The following ACAN variants were observed in gnomAD, a reference collection of about 807,000 sequenced individuals.
ACAN encodes aggrecan core protein.
ACAN carries 47 observed loss-of-function variants against 169.1 expected under a neutral mutation model. The observed-to-expected ratio is 0.28, with a 90% confidence interval of 0.22 to 0.35. ACAN has a LOEUF of 0.35. Among genes scored for constraint, ACAN ranks in the 10% least tolerant of loss-of-function variants. The probability of loss-of-function intolerance (pLI) is 1.00; values close to 1 mark genes in which losing one functional copy is unlikely to be tolerated. For missense variants in ACAN, 2,716 were observed against 2,759.9 expected (o/e 0.98, Z 0.36); for synonymous variants, 1,115 against 1,112.2 (o/e 1.00, Z -0.05).
Position 88,807,417 on chromosome 15 carries a change from A to G in ACAN, c.-8+3608A>G, listed in dbSNP as rs1306395090. ...CCGCACTGCCGCCCTGATAACTTAAAGGAAGCCCCTTCAATGGGATGAAGG... is the reference window on the plus strand; with the variant it reads ...CCGCACTGCCGCCCTGATAACTTAAGGGAAGCCCCTTCAATGGGATGAAGG... On this transcript the variant is annotated intron_variant, in intron 1 of 18. Coordinates refer to ENST00000560601, the MANE Select transcript of ACAN (RefSeq NM_001369268.1). The surrounding 1 kb of genome is among the most constrained non-coding windows in gnomAD (Gnocchi z 4.0). 6.6e-6 allele frequency among the ~76,000 whole-genome samples: 1 copy of G among 152,188 alleles called. No individual in the cohort carries two copies. The highest frequency in any genetic ancestry group is 1.5e-5 in the Non-Finnish European group (1 of 68,030).
In ACAN at chr15:88,836,216, T is replaced by C. The variant is rs1896499388; in HGVS notation, c.10T>C (p.Leu4=). 1.2e-6 allele frequency: 2 copies of C among 1,613,832 alleles called. No individual in the cohort carries two copies. The highest frequency in any genetic ancestry group is 2.7e-5 in the African/African-American group (2 of 75,046). Residue 4 remains leucine, a synonymous_variant, in exon 2 of 19, where the codon TTA becomes CTA. Coordinates refer to ENST00000560601, the MANE Select transcript of ACAN (RefSeq NM_001369268.1). Reference sequence around the variant, plus strand: ...CTCTTCCAGGTGAACTATGACCACTTTACTCTGGGTTTTCGTGACTCTGAG... The same window carrying C: ...CTCTTCCAGGTGAACTATGACCACTCTACTCTGGGTTTTCGTGACTCTGAG... The part of the protein sequence containing the change: MTT[L]LWVFVTLRVI...
chr15:88,855,262 G>A lies in ACAN; in HGVS notation c.2677G>A (p.Gly893Arg), dbSNP rs1897025759. The change falls in exon 12 of 19, where the codon GGA (glycine) becomes AGA (arginine). Residue 893 changes from glycine to arginine, a missense_variant. Coordinates refer to ENST00000560601, the MANE Select transcript of ACAN (RefSeq NM_001369268.1). ...GCAGCTGTCAGGGGACAGGGCAAGT[G>A]GACTGCCCTCTGGAGACCTGGACTC... is the stretch of plus-strand genomic sequence containing the variant. ...SGQLSGDRAS[G>R]LPSGDLDSSG... 3 of 1,608,478 alleles carry A rather than the reference G, an allele frequency of 1.9e-6. No homozygotes were observed. Among genetic ancestry groups the A allele is most frequent in the Admixed American group, 3.3e-5 (2 of 59,912 alleles).
At chr15:88,829,044 C>G (rs1896295220) in intron 1 of ACAN, among the ~76,000 whole-genome samples, 2 of 152,326 alleles carry the variant, frequency 1.3e-5, no homozygotes, top group South Asian at 4.2e-4. Context: ...CAGCACTCCC[C>G]ACCCTGCTGC....
chr15:88,854,409 G>A (rs80095362), intron 11 of ACAN, among the ~76,000 whole-genome samples: 3,010 of 152,280 alleles, frequency 0.02, 107 homozygotes, highest in African/African-American at 0.069. Flanking sequence ...GCGAGTCCAA[G>A]CTTTGAAAAC....
intron 1 of ACAN, among the ~76,000 whole-genome samples, chr15:88,809,488 T>C (rs1477641388): frequency 6.6e-6 from 1 of 152,200 alleles, no homozygotes; most frequent in African/African-American, 2.4e-5. Flanking sequence ...CAGGCACCTT[T>C]GGTGTCTGGT....
chr15:88,840,113 G>A lies in ACAN; in HGVS notation c.556G>A (p.Glu186Lys), dbSNP rs1896613138. The A allele has an allele frequency of 6.2e-7, 1 of 1,606,010 alleles. No individual in the cohort carries two copies. Among genetic ancestry groups the A allele is most frequent in the Non-Finnish European group, 8.5e-7 (1 of 1,176,448 alleles). Reference protein sequence around the residue: ...LQNSAIIATPEQLQAAYEDGF... With the variant: ...LQNSAIIATPKQLQAAYEDGF... Reference sequence around the variant, plus strand: ...GAACAGTGCCATCATTGCCACGCCTGAGCAGCTGCAGGCCGCCTACGAAGA... The same window carrying A: ...GAACAGTGCCATCATTGCCACGCCTAAGCAGCTGCAGGCCGCCTACGAAGA... The change falls in exon 4 of 19, where the codon GAG becomes AAG. Residue 186 changes from glutamate (E) to lysine (K), a missense_variant. By Grantham distance (56) the Glu-to-Lys change is moderately conservative. Transcript: ENST00000560601.
intron 1 of ACAN, among the ~76,000 whole-genome samples, chr15:88,822,406 G>A (rs1184851534): frequency 6.6e-6 from 1 of 151,946 alleles, no homozygotes; most frequent in East Asian, 1.9e-4. Context: ...TATTTCCTAA[G>A]AACTGTGTCC....
chr15:88,840,160 CGGCT>C lies in ACAN; in HGVS notation c.613_616del (p.Ala205ThrfsTer25). ...AAGACGGCTTCCACCAGTGTGACGC[CGGCT>C]GGCTGGCTGACCAGACTGTCAGGTG... On this transcript the variant is annotated frameshift_variant, in exon 4 of 19. Transcript: ENST00000560601. LOFTEE classifies it high-confidence loss of function. 1 of 1,602,780 alleles carries C rather than the reference CGGCT, an allele frequency of 6.2e-7. No homozygotes were observed. The highest frequency in any genetic ancestry group is 1.1e-5 in the South Asian group (1 of 88,988).
At position 88,870,326 on chromosome 15, in the gene ACAN, G is replaced by C. The variant is rs2141636000; in HGVS notation, c.7061-1056G>C. ...AATCAGGGAGACCACCATGCAGCCTGAGGGGTTTGTGACCCTCCACCTGGG... is the reference window on the plus strand; with the variant it reads ...AATCAGGGAGACCACCATGCAGCCTCAGGGGTTTGTGACCCTCCACCTGGG... On this transcript the variant is annotated intron_variant, in intron 14 of 18. Transcript: ENST00000560601. The surrounding 1 kb of genome is among the most constrained non-coding windows in gnomAD (Gnocchi z 6.3). Among the ~76,000 whole-genome samples, 1 of 152,300 alleles carries C rather than the reference G, an allele frequency of 6.6e-6. No homozygotes were observed. The highest frequency in any genetic ancestry group is 3.4e-3 in the Middle Eastern group (1 of 294).
In ACAN at chr15:88,874,679, C is replaced by T. The variant is rs1243471516; in HGVS notation, c.*198C>T. On this transcript the variant is annotated 3_prime_UTR_variant, in exon 19 of 19. Transcript: ENST00000560601. The surrounding 1 kb of genome is among the most constrained non-coding windows in gnomAD (Gnocchi z 7.3). ...TCAGCAAAACCGCATCTAATTTGTC[C>T]GCCGAATGCCAAAGCAAAGCAAACT... The T allele has an allele frequency of 1.2e-5, 8 of 674,218 alleles. No individual in the cohort carries two copies. Among genetic ancestry groups the T allele is most frequent in the Middle Eastern group, 7.1e-4 (2 of 2,798 alleles). 41.8% of individuals were successfully genotyped at this position (674,218 alleles called of 1,614,324 possible).
rs748112955 is a variant in ACAN, at chr15:88,845,732, A to G, written c.1279A>G (p.Thr427Ala). Reference sequence around the variant, plus strand: ...CACGTTTGCCCCTGAAATAGGGGCCACTGCCTTCGCTGAGGTTGAGAATGA... The same window carrying G: ...CACGTTTGCCCCTGAAATAGGGGCCGCTGCCTTCGCTGAGGTTGAGAATGA... ...PFTFAPEIGA[T>A]AFAEVENETG... Residue 427 changes from threonine to alanine, a missense_variant, in exon 7 of 19, where the codon ACT (threonine) becomes GCT (alanine). Physicochemically the swap from Thr to Ala is moderately conservative, Grantham distance 58. Around this residue, in one of 3 missense-constraint regions of ACAN, gnomAD observed 1,283 missense variants for 1,281.5 expected, o/e 1.00. Transcript: ENST00000560601. 8 of 1,613,838 alleles carry G rather than the reference A, an allele frequency of 5.0e-6. No individual in the cohort carries two copies. In the South Asian group the frequency reaches 8.8e-5, roughly 18 times the overall value.
At chr15:88,809,711 T>A (rs773650768) in intron 1 of ACAN, among the ~76,000 whole-genome samples, 1 of 152,042 alleles carries the variant, frequency 6.6e-6, no homozygotes, top group Non-Finnish European at 1.5e-5. Context: ...GGCAGCTGCA[T>A]CCTCCAGAGA....
chr15:88,871,277 A>G lies in ACAN; in HGVS notation c.7061-105A>G. On this transcript the variant is annotated intron_variant, in intron 14 of 18. Transcript: ENST00000560601. This position sits in a 1 kb window ranked among gnomAD's most constrained non-coding sequence, Gnocchi z 7.8. ...CTCTCCCTTCCCTTGAGGGCACAGC[A>G]TGGAAGGTGGGGTGAACGCAGGAAC... 2.0e-6 allele frequency: 3 copies of G among 1,497,514 alleles called. No homozygotes were observed. Among genetic ancestry groups the G allele is most frequent in the Non-Finnish European group, 2.7e-6 (3 of 1,101,512 alleles). 92.8% of individuals were successfully genotyped at this position (1,497,514 alleles called of 1,614,324 possible). A position where few individuals can be genotyped will look rare whatever the true frequency, so the allele number is the denominator to read the frequency against.
intron 1 of ACAN, among the ~76,000 whole-genome samples, chr15:88,809,494 CT>C (rs1421744842): frequency 6.6e-6 from 1 of 152,210 alleles, no homozygotes; most frequent in Admixed American, 6.5e-5. Context: ...CCTTTGGTGT[CT>C]GGTGTGCCCT....
intron 1 of ACAN, among the ~76,000 whole-genome samples, chr15:88,811,715 C>A (rs966568246): frequency 1.3e-5 from 2 of 152,188 alleles, no homozygotes; most frequent in Non-Finnish European, 2.9e-5. Flanking sequence ...GTTCCCTGGC[C>A]TGTTGGGTGA....
intron 1 of ACAN, among the ~76,000 whole-genome samples, chr15:88,825,663 T>C (rs79051888): frequency 0.011 from 1,621 of 152,170 alleles, 28 homozygotes; most frequent in African/African-American, 0.037. Flanking sequence ...GTCAAAGAGG[T>C]ATTACTAGCA....
chr15:88,808,698 C>G (rs1895746441), intron 1 of ACAN, among the ~76,000 whole-genome samples: 1 of 152,166 alleles, frequency 6.6e-6, no homozygotes, highest in Non-Finnish European at 1.5e-5. Context: ...TACAGCACAG[C>G]CCCCGCCCAC....
At position 88,857,504 on chromosome 15, in the gene ACAN, G is replaced by A. The variant is rs1422102077; in HGVS notation, c.4919G>A (p.Ser1640Asn). The part of the protein sequence containing the change: ...SGEYSGVDLG[S>N]GPPSGLPDFS... The stretch of plus-strand genomic sequence containing the variant: ...GAGTATTCTGGGGTGGACCTTGGAA[G>A]TGGCCCACCCTCTGGCCTGCCTGAC... Residue 1640 changes from serine (S) to asparagine (N), a missense_variant, in exon 12 of 19, where the codon AGT becomes AAT. Coordinates refer to ENST00000560601, the MANE Select transcript of ACAN (RefSeq NM_001369268.1). 2 of 1,613,940 alleles carry A rather than the reference G, an allele frequency of 1.2e-6. No individual in the cohort carries two copies. The highest frequency in any genetic ancestry group is 8.5e-7 in the Non-Finnish European group (1 of 1,179,900).
rs1359765289 is a variant in ACAN at position 88,866,875 on chromosome 15, G to A, written c.6947-1341G>A. On this transcript the variant is annotated intron_variant, in intron 13 of 18. Coordinates refer to ENST00000560601, the MANE Select transcript of ACAN (RefSeq NM_001369268.1). This position sits in a 1 kb window ranked among gnomAD's most constrained non-coding sequence, Gnocchi z 5.6. Reference sequence around the variant, plus strand: ...GATCCTATTCCCACCACAGGGCTTCGCTGTCCTGCAGAGCCCACCTACAGA... The same window carrying A: ...GATCCTATTCCCACCACAGGGCTTCACTGTCCTGCAGAGCCCACCTACAGA... Among the ~76,000 whole-genome samples, 5 of 152,148 alleles carry A rather than the reference G, an allele frequency of 3.3e-5. No homozygotes were observed. Among genetic ancestry groups the A allele is most frequent in the Admixed American group, 1.3e-4 (2 of 15,274 alleles).
Sources: gnomAD v4.1 joint callset for allele counts (sites outside exome capture counted in the v4.1 genomes callset) on GRCh38, gnomAD v4.1.1 for gene constraint, gnomAD v4.1.1 regional missense constraint, Gnocchi (gnomAD v3.1) non-coding constraint, MANE v1.5 for transcripts, NCBI Gene and HGNC (gene_info 2026-07-23, HGNC 2026-07-21) for gene names.